The following ROR1 variants were observed in gnomAD, a reference collection of about 807,000 sequenced individuals.
ROR1 encodes the protein ROR family WNT receptor 1, also known as inactive tyrosine-protein kinase transmembrane receptor ROR1.
In ROR1, 19 loss-of-function variants were observed where a neutral mutation model predicts 78.8. The observed-to-expected ratio is 0.24, with a 90% CI of 0.17 to 0.35. ROR1 has a LOEUF of 0.35. Ranked by LOEUF, ROR1 falls within the 10% of genes least tolerant of loss-of-function variation. The probability of loss-of-function intolerance (pLI) is 1.00; values close to 1 mark genes in which losing one functional copy is unlikely to be tolerated. For synonymous variants in ROR1, 386 were observed against 433.6 expected, an observed-to-expected ratio of 0.89 and a Z score of 1.36; for missense variants, 917 against 1,177.8, an observed-to-expected ratio of 0.78 and a Z score of 3.24.
chr1:63,911,413 C>G (rs1029929979), intron 1 of ROR1, among the ~76,000 whole-genome samples: 2 of 152,220 alleles, frequency 1.3e-5, no homozygotes, highest in South Asian at 2.1e-4. Flanking sequence ...GGCAGGTGAG[C>G]GAGCATTACT....
At chr1:64,072,987 A>G (rs1429937544) in intron 4 of ROR1, among the ~76,000 whole-genome samples, 1 of 152,168 alleles carries the variant, frequency 6.6e-6, no homozygotes, top group Non-Finnish European at 1.5e-5. Context: ...AGATAAATAA[A>G]ATAAACAAGA....
In ROR1 at chr1:64,023,223, G is replaced by A. The variant is rs182901286; in HGVS notation, c.163+13847G>A. On this transcript the variant is annotated intron_variant, in intron 2 of 8. Coordinates refer to ENST00000371079, the MANE Select transcript of ROR1 (RefSeq NM_005012.4). ...CAGAAGGATGCTAGCATCCTGCATCGAGTCAGAGGAGCTCACTGTAGCCCA... is the reference window on the plus strand; with the variant it reads ...CAGAAGGATGCTAGCATCCTGCATCAAGTCAGAGGAGCTCACTGTAGCCCA... Among the ~76,000 whole-genome samples the A allele has an allele frequency of 9.2e-5, 14 of 152,252 alleles. No homozygotes were observed. In the East Asian group the frequency reaches 2.7e-3, roughly 29 times the overall value.
At chr1:64,060,262 A>G (rs1490696992) in intron 4 of ROR1, among the ~76,000 whole-genome samples, 1 of 152,212 alleles carries the variant, frequency 6.6e-6, no homozygotes, top group Non-Finnish European at 1.5e-5. Flanking sequence ...CCTGATGCAT[A>G]TTAGGAGCTT....
At position 63,815,478 on chromosome 1, in the gene ROR1, C is replaced by CTTTTTTTTT. The variant is rs1446331528; in HGVS notation, c.91+40975_91+40976insTTTTTTTTT. 5.3e-4 allele frequency among the ~76,000 whole-genome samples: 55 copies of CTTTTTTTTT among 103,446 alleles called. 2 individuals carry two copies. The highest frequency in any genetic ancestry group is 2.4e-3 in the African/African-American group (46 of 19,020). 67.9% of individuals were successfully genotyped at this position (103,446 alleles called of 152,430 possible). Reference sequence around the variant, plus strand: ...TTTTCTTTTTCTTTTCTTTTCTTTTCTTTTTCTTTTTTTTTTTTTTTTGAG... The same window carrying CTTTTTTTTT: ...TTTTCTTTTTCTTTTCTTTTCTTTTCTTTTTTTTTTTTTTCTTTTTTTTTTTTTTTTGAG... On this transcript the variant is annotated intron_variant, in intron 1 of 8. Coordinates refer to ENST00000371079, the MANE Select transcript of ROR1 (RefSeq NM_005012.4).
chr1:64,090,775 G>A (rs184747661), intron 4 of ROR1, among the ~76,000 whole-genome samples: 21 of 152,274 alleles, frequency 1.4e-4, no homozygotes, highest in African/African-American at 4.8e-4. Flanking sequence ...GGGAGATGGG[G>A]AGGGAAGCTA....
At chr1:63,898,048 T>G (rs1456974246) in intron 1 of ROR1, among the ~76,000 whole-genome samples, 1 of 152,182 alleles carries the variant, frequency 6.6e-6, no homozygotes, top group Non-Finnish European at 1.5e-5. Context: ...TCTGCTACAT[T>G]TAGACAACTG....
At chr1:63,847,217 G>A (rs1645086937) in intron 1 of ROR1, among the ~76,000 whole-genome samples, 1 of 152,180 alleles carries the variant, frequency 6.6e-6, no homozygotes, top group African/African-American at 2.4e-5. Flanking sequence ...TTTCTAGAGG[G>A]TTTTAACTTT....
At chr1:64,018,003 T>G (rs1202091614) in intron 2 of ROR1, among the ~76,000 whole-genome samples, 1 of 151,536 alleles carries the variant, frequency 6.6e-6, no homozygotes, top group African/African-American at 2.4e-5. Flanking sequence ...CCCAGGCTGT[T>G]TTTTCCTTGC....
intron 1 of ROR1, among the ~76,000 whole-genome samples, chr1:63,887,499 T>G (rs1467205676): frequency 6.6e-6 from 1 of 152,150 alleles, no homozygotes; most frequent in Non-Finnish European, 1.5e-5. Flanking sequence ...TATAGAACAT[T>G]TGCGTTATTT....
chr1:63,838,069 G>A (rs1427273216), intron 1 of ROR1, among the ~76,000 whole-genome samples: 1 of 152,018 alleles, frequency 6.6e-6, no homozygotes, highest in Non-Finnish European at 1.5e-5. Flanking sequence ...AACCTGCCCT[G>A]CCAGTCCTGT....
intron 1 of ROR1, among the ~76,000 whole-genome samples, chr1:63,961,926 T>C (rs1348935555): frequency 6.6e-6 from 1 of 152,230 alleles, no homozygotes; most frequent in Non-Finnish European, 1.5e-5. Flanking sequence ...ATGCATTGTG[T>C]ACATATATTG....
chr1:64,093,072 G>C (rs960302651), intron 4 of ROR1, among the ~76,000 whole-genome samples: 5 of 152,154 alleles, frequency 3.3e-5, no homozygotes, highest in African/African-American at 1.2e-4. Flanking sequence ...ACCCTAAGCT[G>C]TCATCTAAGC....
At position 64,145,289 on chromosome 1, in the gene ROR1, CA is replaced by C. The variant is rs1196401312; in HGVS notation, c.1174+2642del. ...AGAAGTTAGCACAAATGTTATGGAA[CA>C]AAGAAGGGGAAGGGCTTAAAAAATT... On this transcript the variant is annotated intron_variant, in intron 7 of 8. Coordinates refer to ENST00000371079, the MANE Select transcript of ROR1 (RefSeq NM_005012.4). Among the ~76,000 whole-genome samples the C allele has an allele frequency of 3.3e-5, 5 of 151,802 alleles. No homozygotes were observed. The East Asian group carries it at 9.7e-4, about 29-fold the overall frequency.
At chr1:63,876,096 TAGA>T (rs1408121654) in intron 1 of ROR1, among the ~76,000 whole-genome samples, 1 of 152,190 alleles carries the variant, frequency 6.6e-6, no homozygotes, top group East Asian at 1.9e-4. Flanking sequence ...GCCAGTTAAA[TAGA>T]GGAGTCCCTC....
intron 4 of ROR1, among the ~76,000 whole-genome samples, chr1:64,125,767 C>T (rs557750283): frequency 6.6e-6 from 1 of 152,260 alleles, no homozygotes; most frequent in Admixed American, 6.5e-5. Flanking sequence ...CAAATGAGGG[C>T]TTGCTAAAGG....
intron 1 of ROR1, among the ~76,000 whole-genome samples, chr1:63,939,525 CAAA>C (rs975415944): frequency 8.5e-5 from 13 of 152,152 alleles, no homozygotes; most frequent in Middle Eastern, 3.4e-3. Context: ...CCAGGCATAT[CAAA>C]AACAATGTTA....
At chr1:63,914,173 C>A (rs1474420729) in intron 1 of ROR1, among the ~76,000 whole-genome samples, 1 of 152,198 alleles carries the variant, frequency 6.6e-6, no homozygotes. Flanking sequence ...GGCTGAATAA[C>A]CAGAACCTGA....
At chr1:63,915,311 G>A (rs1289258216) in intron 1 of ROR1, among the ~76,000 whole-genome samples, 2 of 152,140 alleles carry the variant, frequency 1.3e-5, no homozygotes, top group African/African-American at 4.8e-5. Flanking sequence ...ATGGAGATAA[G>A]GCAGTCACTG....
At chr1:64,118,009 T>A (rs1211175732) in intron 4 of ROR1, among the ~76,000 whole-genome samples, 1 of 152,230 alleles carries the variant, frequency 6.6e-6, no homozygotes, top group Non-Finnish European at 1.5e-5. Context: ...GAGACCAGCC[T>A]GGGCAACATG....
Sources: allele counts gnomAD v4.1 joint callset (sites outside exome capture counted in the v4.1 genomes callset), GRCh38; gene constraint gnomAD v4.1.1; transcripts MANE v1.5; gene names NCBI Gene and HGNC (gene_info 2026-07-23, HGNC 2026-07-21).